The following ASCC3 variants were observed in gnomAD, a reference collection of about 807,000 sequenced individuals.
The protein encoded by ASCC3 is ASC-1 complex subunit P200.
ASCC3 carries 158 observed loss-of-function variants against 256.3 expected under a neutral mutation model. The observed-to-expected ratio is 0.62, with a 90% confidence interval of 0.54 to 0.70. ASCC3 has a LOEUF of 0.70. Among genes scored for constraint, ASCC3 ranks in the 30% least tolerant of loss-of-function variants. ASCC3 has a pLI of 0.00. For synonymous variants in ASCC3, 948 were observed against 883.4 expected (o/e 1.07, Z -1.30); for missense variants, 2,259 against 2,626.0 (o/e 0.86, Z 3.05).
chr6:100,853,319 C>A (rs904884111), intron 3 of ASCC3, among the ~76,000 whole-genome samples: 2 of 151,362 alleles, frequency 1.3e-5, no homozygotes, highest in South Asian at 2.1e-4. Flanking sequence ...CTGTAGCCTA[C>A]TTTAATAGTT....
At chr6:100,670,273 T>G (rs1302342391) in intron 14 of ASCC3, among the ~76,000 whole-genome samples, 2 of 151,940 alleles carry the variant, frequency 1.3e-5, no homozygotes, top group African/African-American at 4.8e-5. Context: ...GCTGGCAAAG[T>G]TATGTGGGGG....
intron 9 of ASCC3, 81 bp downstream of exon 9, chr6:100,767,064 C>G: frequency 1.4e-6 from 2 of 1,396,568 alleles, no homozygotes; most frequent in Non-Finnish European, 2.0e-6. Flanking sequence ...TAAGAACTTT[C>G]AAATTTCATG....
chr6:100,847,918 C>A, intron 4 of ASCC3: 1 of 384,540 alleles, frequency 2.6e-6, no homozygotes. Flanking sequence ...ATGTGGACAC[C>A]CAACTATTGT....
At chr6:100,546,743 C>T (rs996682273) in intron 36 of ASCC3, among the ~76,000 whole-genome samples, 11 of 152,072 alleles carry the variant, frequency 7.2e-5, no homozygotes, top group African/African-American at 2.2e-4. Context: ...TTCACTGAAA[C>T]ATTTTGATTT....
At chr6:100,880,018 G>A (rs1049880404) in intron 1 of ASCC3, among the ~76,000 whole-genome samples, 14 of 152,116 alleles carry the variant, frequency 9.2e-5, no homozygotes, top group African/African-American at 3.4e-4. Context: ...TGCTCTCCTA[G>A]GCCTAGCCCA....
At chr6:100,631,898 T>A (rs1264164775) in intron 25 of ASCC3, among the ~76,000 whole-genome samples, 1 of 151,734 alleles carries the variant, frequency 6.6e-6, no homozygotes, top group African/African-American at 2.4e-5. Context: ...GTAGGAAAAC[T>A]TAGGGTTAAG....
intron 29 of ASCC3, among the ~76,000 whole-genome samples, chr6:100,627,138 G>C (rs1185857316): frequency 1.3e-5 from 2 of 152,044 alleles, no homozygotes; most frequent in East Asian, 3.8e-4. Flanking sequence ...TAAAATAGGA[G>C]TGCTATTCTT....
At position 100,617,738 on chromosome 6, in the gene ASCC3, C is replaced by T. The variant is rs148796821; in HGVS notation, c.4785+7454G>A. ...AGCACTCCTTCCTTCACAGAACCCT[C>T]TCTTCTACAGTGTTTTAGGACACTG... is the stretch of plus-strand genomic sequence containing the variant. On this transcript the variant is annotated intron_variant, in intron 30 of 41. Transcript: ENST00000369162. 2.0e-5 allele frequency among the ~76,000 whole-genome samples: 3 copies of T among 152,336 alleles called. No homozygotes were observed. The East Asian group carries it at 5.8e-4, about 29-fold the overall frequency.
chr6:100,778,588 C>A (rs1782300328), intron 8 of ASCC3, among the ~76,000 whole-genome samples: 1 of 152,014 alleles, frequency 6.6e-6, no homozygotes, highest in Admixed American at 6.6e-5. Context: ...ACTACTTACA[C>A]TAGATAAGCA....
In ASCC3 at chr6:100,622,361, A is replaced by G. The variant is rs57001763; in HGVS notation, c.4785+2831T>C. On this transcript the variant is annotated intron_variant, in intron 30 of 41. Coordinates refer to ENST00000369162, the MANE Select transcript of ASCC3 (RefSeq NM_006828.4). Reference sequence around the variant, plus strand: ...AGTTCTCACAAGATCTGATCGTTTTATACCGGGCTCTTCCCCTTTTGCTCA... The same window carrying G: ...AGTTCTCACAAGATCTGATCGTTTTGTACCGGGCTCTTCCCCTTTTGCTCA... Among the ~76,000 whole-genome samples the G allele has an allele frequency of 5.4e-3, 829 of 152,238 alleles. 7 individuals carry two copies. The highest frequency in any genetic ancestry group is 0.019 in the African/African-American group (794 of 41,528).
intron 36 of ASCC3, among the ~76,000 whole-genome samples, chr6:100,585,645 G>A (rs955310680): frequency 6.7e-6 from 1 of 148,334 alleles, no homozygotes; most frequent in Non-Finnish European, 1.5e-5. Context: ...CTTTGGAGGA[G>A]GAGAGGTGCT....
intron 4 of ASCC3, among the ~76,000 whole-genome samples, chr6:100,832,371 G>A (rs1771663677): frequency 6.6e-6 from 1 of 151,966 alleles, no homozygotes; most frequent in Admixed American, 6.6e-5. Flanking sequence ...ATTCAAGAAT[G>A]AGAAAAAAAT....
chr6:100,509,532 A>G lies in ASCC3; in HGVS notation c.6463T>C (p.Tyr2155His). 6.2e-7 allele frequency: 1 copy of G among 1,610,730 alleles called. No homozygotes were observed. The highest frequency in any genetic ancestry group is 8.5e-7 in the Non-Finnish European group (1 of 1,177,204). The part of the protein sequence containing the change: ...SFYTPEIPGR[Y>H]IYTLYFMSDC... ...CTCATGAAATATAATGTGTAGATAT[A>G]CCTAAAATATAAAAATAGAAGAAAA... The change falls in exon 42 of 42, where the codon TAT becomes CAT. Residue 2155 changes from tyrosine (Y) to histidine (H), a missense_variant and splice_region_variant. By Grantham distance (83) the Tyr-to-His change is moderately conservative (BLOSUM62 2). This residue lies in a region of ASCC3 where 1,839 missense variants were observed against 2,206.7 expected (regional missense o/e 0.83). Coordinates refer to ENST00000369162, the MANE Select transcript of ASCC3 (RefSeq NM_006828.4).
chr6:100,688,252 A>C (rs1170424988), intron 13 of ASCC3, among the ~76,000 whole-genome samples: 2 of 132,958 alleles, frequency 1.5e-5, no homozygotes, highest in Admixed American at 8.3e-5. Flanking sequence ...GATAATTTTA[A>C]AGTGGTGGAG....
intron 36 of ASCC3, among the ~76,000 whole-genome samples, chr6:100,573,572 G>A (rs171292): frequency 9.4e-4 from 143 of 152,072 alleles, no homozygotes; most frequent in African/African-American, 3.2e-3. Flanking sequence ...CTTACTCAAC[G>A]TAGAGTGAGA....
chr6:100,786,902 T>C, intron 8 of ASCC3, among the ~76,000 whole-genome samples: 1 of 152,204 alleles, frequency 6.6e-6, no homozygotes, highest in East Asian at 1.9e-4. Flanking sequence ...GGGCTAGAGT[T>C]AACTGATTAT....
chr6:100,513,529 G>T (rs1773881729), intron 39 of ASCC3, among the ~76,000 whole-genome samples: 1 of 151,966 alleles, frequency 6.6e-6, no homozygotes, highest in African/African-American at 2.4e-5. Flanking sequence ...ACCACTTATT[G>T]TACATTTTTT....
chr6:100,785,411 T>C (rs1196739741), intron 8 of ASCC3, among the ~76,000 whole-genome samples: 6 of 152,134 alleles, frequency 3.9e-5, no homozygotes, highest in Non-Finnish European at 8.8e-5. Flanking sequence ...TAATCGTTTA[T>C]TAATTTAAAG....
At chr6:100,545,110 C>T (rs1367096838) in intron 36 of ASCC3, among the ~76,000 whole-genome samples, 1 of 152,140 alleles carries the variant, frequency 6.6e-6, no homozygotes, top group African/African-American at 2.4e-5. Context: ...ACATCCATGC[C>T]TAACAAAAAC....
Sources: allele counts gnomAD v4.1 joint callset (sites outside exome capture counted in the v4.1 genomes callset), GRCh38; gene constraint gnomAD v4.1.1; regional missense constraint gnomAD v4.1.1; transcripts MANE v1.5; gene names NCBI Gene and HGNC (gene_info 2026-07-23, HGNC 2026-07-21).